CADM2: variants seen among roughly 807,000 people sequenced by gnomAD.
CADM2 encodes the protein cell adhesion molecule 2.
A neutral mutation model predicts 49.8 loss-of-function variants in CADM2; 12 were observed. The observed-to-expected ratio is 0.24, with a 90% CI of 0.15 to 0.39. The LOEUF is 0.39. CADM2 is among the 10% of genes least tolerant of loss of function. The pLI is 1.00. For synonymous variants in CADM2, 214 were observed against 175.4 expected (o/e 1.22, Z -1.74); for missense variants, 378 against 492.3 (o/e 0.77, Z 2.20).
chr3:85,519,037 A>T (rs1301459368), intron 1 of CADM2, among the ~76,000 whole-genome samples: 1 of 152,116 alleles, frequency 6.6e-6, no homozygotes, highest in Non-Finnish European at 1.5e-5. Flanking sequence ...TTGTTTTATT[A>T]ATTCCCTTTA....
At position 85,340,889 on chromosome 3, in the gene CADM2, CTTTGA is replaced by C. The variant is rs558585516; in HGVS notation, c.61+381222_61+381226del. On this transcript the variant is annotated intron_variant, in intron 1 of 9. Coordinates refer to ENST00000383699, the MANE Select transcript of CADM2 (RefSeq NM_001167675.2). ...GTTTTATTTGCTGTTACTGATGAAG[CTTTGA>C]ACTTCATTCCGTATATACTCTTCAA... Among the ~76,000 whole-genome samples, 299 of 151,646 alleles carry C rather than the reference CTTTGA, an allele frequency of 2.0e-3. 3 individuals carry two copies. Among genetic ancestry groups the C allele is most frequent in the Middle Eastern group, 0.017 (5 of 294 alleles).
intron 6 of CADM2, among the ~76,000 whole-genome samples, chr3:85,924,460 G>A (rs1401515269): frequency 1.3e-5 from 2 of 151,986 alleles, no homozygotes; most frequent in Non-Finnish European, 2.9e-5. Flanking sequence ...ATGAGTGGTG[G>A]CGTGTTCCTG....
intron 1 of CADM2, among the ~76,000 whole-genome samples, chr3:85,060,093 A>G (rs548467562): frequency 1.3e-5 from 2 of 152,144 alleles, no homozygotes; most frequent in South Asian, 2.1e-4. Context: ...TTAAATATGC[A>G]TACCTTTTTG....
chr3:85,056,388 A>G (rs1161368254), intron 1 of CADM2, among the ~76,000 whole-genome samples: 1 of 152,040 alleles, frequency 6.6e-6, no homozygotes, highest in Non-Finnish European at 1.5e-5. Flanking sequence ...TTAACAAGGG[A>G]ATGGGTTGAA....
intron 1 of CADM2, among the ~76,000 whole-genome samples, chr3:84,961,389 G>A (rs1184913176): frequency 4.6e-5 from 7 of 152,012 alleles, no homozygotes; most frequent in Non-Finnish European, 1.0e-4. Context: ...TTTTACGTTG[G>A]GTGTAAATTT....
chr3:85,065,952 G>T (rs2036513205), intron 1 of CADM2, among the ~76,000 whole-genome samples: 1 of 152,114 alleles, frequency 6.6e-6, no homozygotes, highest in African/African-American at 2.4e-5. Flanking sequence ...TAGGGAGTTG[G>T]TAAATATGCA....
intron 1 of CADM2, among the ~76,000 whole-genome samples, chr3:85,150,262 A>G (rs375216433): frequency 6.6e-6 from 1 of 152,132 alleles, no homozygotes; most frequent in African/African-American, 2.4e-5. Context: ...AGGGGTTTTC[A>G]TAAGGGGCTT....
chr3:84,985,759 T>A (rs985542658), intron 1 of CADM2, among the ~76,000 whole-genome samples: 8 of 152,232 alleles, frequency 5.3e-5, no homozygotes, highest in Non-Finnish European at 1.2e-4. Context: ...TTAGTAGAAT[T>A]GCTGACCTGA....
At chr3:85,895,136 C>A (rs529305654) in intron 5 of CADM2, among the ~76,000 whole-genome samples, 1 of 152,322 alleles carries the variant, frequency 6.6e-6, no homozygotes, top group African/African-American at 2.4e-5. Flanking sequence ...GACACTCACG[C>A]CTGCTATGAA....
chr3:85,027,652 G>T (rs1423137222), intron 1 of CADM2, among the ~76,000 whole-genome samples: 1 of 151,902 alleles, frequency 6.6e-6, no homozygotes, highest in South Asian at 2.1e-4. Context: ...AATGTTTTCA[G>T]AATAATAATA....
chr3:85,782,501 C>A (rs532307267), intron 2 of CADM2, among the ~76,000 whole-genome samples: 1 of 151,488 alleles, frequency 6.6e-6, no homozygotes, highest in Non-Finnish European at 1.5e-5. Flanking sequence ...ACAGTGAAAC[C>A]CCATCTCTAC....
intron 1 of CADM2, among the ~76,000 whole-genome samples, chr3:85,292,489 T>G (rs1385777616): frequency 1.1e-4 from 17 of 151,416 alleles, no homozygotes; most frequent in South Asian, 4.2e-4. Flanking sequence ...AATATACATT[T>G]TTTTCAGCAC....
intron 3 of CADM2, among the ~76,000 whole-genome samples, chr3:85,857,828 A>C (rs1169449083): frequency 3.9e-5 from 6 of 152,236 alleles, no homozygotes; most frequent in African/African-American, 1.4e-4. Context: ...TTTTACCACC[A>C]TCAGCAGTGC....
intron 3 of CADM2, among the ~76,000 whole-genome samples, chr3:85,881,827 G>A (rs1258978538): frequency 6.6e-6 from 1 of 152,100 alleles, no homozygotes; most frequent in Non-Finnish European, 1.5e-5. Context: ...GTATGTGTGG[G>A]GGATGGTTTT....
chr3:85,926,702 G>A (rs1384514458), intron 6 of CADM2, among the ~76,000 whole-genome samples: 2 of 151,922 alleles, frequency 1.3e-5, no homozygotes, highest in African/African-American at 4.8e-5. Context: ...TGAATAAGAA[G>A]AACCTGTTTT....
chr3:85,138,262 C>G (rs2039476993), intron 1 of CADM2, among the ~76,000 whole-genome samples: 1 of 152,042 alleles, frequency 6.6e-6, no homozygotes, highest in African/African-American at 2.4e-5. Flanking sequence ...GTATGTTTTT[C>G]TAGTGATGGG....
intron 1 of CADM2, among the ~76,000 whole-genome samples, chr3:85,524,816 A>G (rs143949185): frequency 7.5e-4 from 114 of 152,322 alleles, no homozygotes; most frequent in African/African-American, 2.6e-3. Flanking sequence ...CTCAATACAC[A>G]TGCTCAATAT....
rs113904388 is a variant in CADM2 at position 85,348,746 on chromosome 3, C to A, written c.62-377776C>A. ...ATCTATTAAAATGTGAGAGTTTTAC[C>A]TAAAAACTTGAAAAATTAATACAAT... On this transcript the variant is annotated intron_variant, in intron 1 of 9. Coordinates refer to ENST00000383699, the MANE Select transcript of CADM2 (RefSeq NM_001167675.2). 9.3e-3 allele frequency among the ~76,000 whole-genome samples: 1,408 copies of A among 152,102 alleles called. 10 individuals are homozygous for A. Among genetic ancestry groups the A allele is most frequent in the Middle Eastern group, 0.048 (14 of 294 alleles).
At chr3:85,307,648 C>A (rs556015901) in intron 1 of CADM2, among the ~76,000 whole-genome samples, 1 of 151,638 alleles carries the variant, frequency 6.6e-6, no homozygotes, top group East Asian at 1.9e-4. Flanking sequence ...GTGAGAGAAA[C>A]AAATCCCAGC....
Sources: gnomAD v4.1 joint callset for allele counts (sites outside exome capture counted in the v4.1 genomes callset) on GRCh38, gnomAD v4.1.1 for gene constraint, MANE v1.5 for transcripts, NCBI Gene and HGNC (gene_info 2026-07-23, HGNC 2026-07-21) for gene names.